The following STIM1 variants were observed in gnomAD, a reference collection of about 807,000 sequenced individuals.
STIM1 encodes stromal interaction molecule 1.
Under a neutral mutation model 74.7 loss-of-function variants are expected in STIM1, and 25 were observed. That is an observed-to-expected ratio of 0.33 (90% CI 0.24 to 0.47). STIM1 has a LOEUF of 0.47. STIM1 is among the 20% of genes least tolerant of loss of function. STIM1 has a pLI of 1.00. For missense variants in STIM1, 728 were observed against 920.8 expected, an observed-to-expected ratio of 0.79 and a Z score of 2.71; for synonymous variants, 328 against 348.8, an observed-to-expected ratio of 0.94 and a Z score of 0.66.
At chr11:4,050,024 T>C (rs565067518) in intron 3 of STIM1, among the ~76,000 whole-genome samples, 1 of 152,318 alleles carries the variant, frequency 6.6e-6, no homozygotes, top group Admixed American at 6.5e-5. Flanking sequence ...ATTATTATTA[T>C]TGTTGTTGTT....
chr11:3,962,799 T>C (rs2093301349), intron 1 of STIM1, among the ~76,000 whole-genome samples: 1 of 152,230 alleles, frequency 6.6e-6, no homozygotes, highest in African/African-American at 2.4e-5. Context: ...ACAAAGACTT[T>C]AGCAATTGTT....
At chr11:3,900,724 C>T (rs550612536) in intron 1 of STIM1, among the ~76,000 whole-genome samples, 22 of 152,194 alleles carry the variant, frequency 1.4e-4, no homozygotes, top group Non-Finnish European at 3.1e-4. Flanking sequence ...GGACTACAGG[C>T]ACACCCCGCC....
At chr11:4,033,358 T>C (rs1212846033) in intron 3 of STIM1, among the ~76,000 whole-genome samples, 2 of 152,214 alleles carry the variant, frequency 1.3e-5, no homozygotes, top group Non-Finnish European at 2.9e-5. Flanking sequence ...TTTGGTTCCA[T>C]ATGAACTTTA....
intron 3 of STIM1, among the ~76,000 whole-genome samples, chr11:4,037,856 T>C (rs756940201): frequency 1.3e-5 from 2 of 152,160 alleles, no homozygotes; most frequent in Admixed American, 6.5e-5. Flanking sequence ...TTTCTTGCTA[T>C]TTGTTTTCCG....
At chr11:4,040,635 A>G (rs2094140693) in intron 3 of STIM1, among the ~76,000 whole-genome samples, 1 of 152,212 alleles carries the variant, frequency 6.6e-6, no homozygotes. Flanking sequence ...AATACTTAGC[A>G]CAGGGCCTGG....
At chr11:3,970,635 T>G (rs767003932) in intron 2 of STIM1, among the ~76,000 whole-genome samples, 1 of 151,926 alleles carries the variant, frequency 6.6e-6, no homozygotes, top group Non-Finnish European at 1.5e-5. Context: ...TTAATGAAAA[T>G]TTCATAAGAT....
At chr11:3,970,317 A>C (rs1183125985) in intron 2 of STIM1, among the ~76,000 whole-genome samples, 1 of 152,158 alleles carries the variant, frequency 6.6e-6, no homozygotes, top group Admixed American at 6.5e-5. Flanking sequence ...TCACATGGTT[A>C]GAGAGGCCTG....
chr11:3,945,846 A>G (rs1285585669), intron 1 of STIM1, among the ~76,000 whole-genome samples: 2 of 152,214 alleles, frequency 1.3e-5, no homozygotes, highest in African/African-American at 4.8e-5. Context: ...GCAACTGCTT[A>G]GCTTCTAGGG....
chr11:4,066,846 G>A (rs1376634855), intron 5 of STIM1, among the ~76,000 whole-genome samples: 1 of 152,188 alleles, frequency 6.6e-6, no homozygotes, highest in Non-Finnish European at 1.5e-5. Context: ...TGAAGAATGG[G>A]AATGGGATTA....
chr11:3,872,722 T>C (rs2091154185), intron 1 of STIM1, among the ~76,000 whole-genome samples: 1 of 151,946 alleles, frequency 6.6e-6, no homozygotes, highest in South Asian at 2.1e-4. Flanking sequence ...AGTGTTTCAC[T>C]GTGTTAGCCA....
chr11:4,045,799 T>C (rs112210451), intron 3 of STIM1, among the ~76,000 whole-genome samples: 2,382 of 138,502 alleles, frequency 0.017, 74 homozygotes, highest in African/African-American at 0.061. Context: ...GAAGTTTTGC[T>C]CTGTTGCCCA....
chr11:3,989,541 G>T, intron 2 of STIM1: 1 of 570,070 alleles, frequency 1.8e-6, no homozygotes, highest in Non-Finnish European at 3.3e-6. Flanking sequence ...GGGCTGCCTG[G>T]TCGCTGCCGC....
chr11:3,904,702 C>T (rs540165269), intron 1 of STIM1, among the ~76,000 whole-genome samples: 9 of 152,024 alleles, frequency 5.9e-5, no homozygotes, highest in South Asian at 4.2e-4. Context: ...AATTGTGTGA[C>T]GGAAGGATGA....
intron 3 of STIM1, among the ~76,000 whole-genome samples, chr11:4,042,229 T>G (rs1005696899): frequency 8.5e-5 from 13 of 152,244 alleles, no homozygotes; most frequent in Non-Finnish European, 1.6e-4. Context: ...CTGTTCCTTC[T>G]GCCTGGTATG....
chr11:3,962,039 C>T (rs1379421385), intron 1 of STIM1, among the ~76,000 whole-genome samples: 1 of 152,132 alleles, frequency 6.6e-6, no homozygotes, highest in African/African-American at 2.4e-5. Flanking sequence ...GTTACTTAAA[C>T]TAGGTGTCTG....
chr11:4,000,738 A>G (rs888202474), intron 2 of STIM1, among the ~76,000 whole-genome samples: 3 of 152,266 alleles, frequency 2.0e-5, no homozygotes, highest in African/African-American at 7.2e-5. Context: ...TGGACGGAGA[A>G]TGACTTTGAT....
At chr11:3,890,129 T>G (rs529448126) in intron 1 of STIM1, among the ~76,000 whole-genome samples, 3 of 152,350 alleles carry the variant, frequency 2.0e-5, no homozygotes, top group Admixed American at 1.3e-4. Context: ...ATTCTTTTTT[T>G]CTTTCTTACT....
At chr11:4,069,861 G>A (rs1341167638) in intron 5 of STIM1, among the ~76,000 whole-genome samples, 165 bp from the exon 6 acceptor site, 1 of 152,186 alleles carries the variant, frequency 6.6e-6, no homozygotes, top group African/African-American at 2.4e-5. Flanking sequence ...AGAGCTTACT[G>A]TAATAGTGTA....
intron 1 of STIM1, among the ~76,000 whole-genome samples, chr11:3,895,625 T>C (rs1214062588): frequency 8.0e-4 from 3 of 3,746 alleles, no homozygotes; most frequent in Non-Finnish European, 2.3e-3. Flanking sequence ...TTTCTTTCTT[T>C]CTTTCTTTCT....
Sources: allele counts gnomAD v4.1 joint callset (sites outside exome capture counted in the v4.1 genomes callset), GRCh38; gene constraint gnomAD v4.1.1; transcripts MANE v1.5; gene names NCBI Gene and HGNC (gene_info 2026-07-23, HGNC 2026-07-21).